Variants in ZNF236 observed in about 807,000 individuals in gnomAD.
The protein encoded by ZNF236 is zinc finger protein 236, also known as regulated by glucose.
ZNF236 carries 50 observed loss-of-function variants against 191.2 expected under a neutral mutation model. The observed-to-expected ratio is 0.26, with a 90% CI of 0.21 to 0.33. The LOEUF (loss-of-function observed/expected upper bound fraction) is 0.33. ZNF236 is among the 10% of genes least tolerant of loss of function. The pLI is 1.00. For synonymous variants in ZNF236, 907 were observed against 928.8 expected (o/e 0.98, Z 0.43); for missense variants, 1,754 against 2,374.5 (o/e 0.74, Z 5.43).
intron 1 of ZNF236, among the ~76,000 whole-genome samples, chr18:76,839,303 A>G (rs1002368823): frequency 2.6e-5 from 4 of 152,240 alleles, no homozygotes; most frequent in Admixed American, 6.5e-5. Context: ...ATGCTGCTAA[A>G]TAGCTTTCAA....
chr18:76,897,431 G>A (rs150647294), intron 10 of ZNF236, among the ~76,000 whole-genome samples: 1 of 150,364 alleles, frequency 6.7e-6, no homozygotes, highest in Non-Finnish European at 1.5e-5. Flanking sequence ...ACTAAACACA[G>A]TACTACACAC....
At chr18:76,870,381 T>G (rs1374337155) in intron 4 of ZNF236, among the ~76,000 whole-genome samples, 1 of 152,248 alleles carries the variant, frequency 6.6e-6, no homozygotes, top group Admixed American at 6.5e-5. Context: ...CATGAGGCTT[T>G]AATGCAGGCA....
intron 7 of ZNF236, among the ~76,000 whole-genome samples, chr18:76,878,809 A>G (rs191225902): frequency 8.9e-4 from 136 of 152,356 alleles, no homozygotes; most frequent in African/African-American, 3.0e-3. Flanking sequence ...GGAAGTTTTA[A>G]TGTATGCTTA....
rs1976885807 is a variant in ZNF236, at chr18:76,881,314, A to G, written c.1219A>G (p.Ile407Val). Residue 407 changes from isoleucine to valine, a missense_variant, in exon 9 of 31, where the codon ATT becomes GTT. Around this residue, in one of 5 missense-constraint regions of ZNF236, gnomAD observed 336 missense variants for 495.1 expected, o/e 0.68. Coordinates refer to ENST00000320610, the MANE Select transcript of ZNF236 (RefSeq NM_001306089.2). ...CTTAGAAAACAGTGGGCTGTCTTCA[A>G]TTCCAGCTGCAGCACATCCTAATGA... is the stretch of plus-strand genomic sequence containing the variant. ...QALENSGLSS[I>V]PAAAHPNDSC... is the part of the protein sequence containing the mutation. 6.2e-7 allele frequency: 1 copy of G among 1,614,166 alleles called. No individual in the cohort carries two copies. Among genetic ancestry groups the G allele is most frequent in the Non-Finnish European group, 8.5e-7 (1 of 1,180,034 alleles).
At chr18:76,943,000 G>T (rs933006748) in intron 26 of ZNF236, among the ~76,000 whole-genome samples, 3 of 150,550 alleles carry the variant, frequency 2.0e-5, no homozygotes, top group Admixed American at 6.6e-5. Context: ...GCGGGCACCT[G>T]TGGTCCCAGC....
In ZNF236 at chr18:76,944,696, C is replaced by T. The variant is rs531478754; in HGVS notation, c.4783-2825C>T. Among the ~76,000 whole-genome samples, 20 of 152,202 alleles carry T rather than the reference C, an allele frequency of 1.3e-4. No homozygotes were observed. In the East Asian group the frequency reaches 2.7e-3, roughly 21 times the overall value. On this transcript the variant is annotated intron_variant, in intron 26 of 30. Transcript: ENST00000320610. ...ACTTGGGAGTCTGAGGCAGGAGAATCGCTTGAACTCAGGAGGTGGAGGTTG... is the reference window on the plus strand; with the variant it reads ...ACTTGGGAGTCTGAGGCAGGAGAATTGCTTGAACTCAGGAGGTGGAGGTTG...
chr18:76,823,102 C>A (rs1487242996), intron 1 of ZNF236, among the ~76,000 whole-genome samples: 2 of 150,922 alleles, frequency 1.3e-5, no homozygotes, highest in East Asian at 3.9e-4. Context: ...TACCGCGCCC[C>A]GGGCTCCTCC....
intron 30 of ZNF236, among the ~76,000 whole-genome samples, chr18:76,966,945 GGT>G (rs1408527682): frequency 6.6e-6 from 1 of 152,222 alleles, no homozygotes; most frequent in Non-Finnish European, 1.5e-5. Context: ...GCATTTTGCG[GGT>G]GTGATTTGAT....
At chr18:76,895,475 ACACCGGTACTGCC>A in intron 10 of ZNF236, 190 bp downstream of exon 10, 2 of 771,274 alleles carry the variant, frequency 2.6e-6, no homozygotes, top group Admixed American at 2.7e-5. Context: ...TGCAGCACCC[ACACCGGTACTGCC>A]CACAGGGACT....
At chr18:76,942,107 A>G (rs946704762) in intron 26 of ZNF236, among the ~76,000 whole-genome samples, 6 of 152,236 alleles carry the variant, frequency 3.9e-5, no homozygotes, top group African/African-American at 9.6e-5. Flanking sequence ...GTGTCTAATG[A>G]TGATTGTTCA....
At chr18:76,841,802 T>G (rs1314290187) in intron 1 of ZNF236, among the ~76,000 whole-genome samples, 1 of 151,930 alleles carries the variant, frequency 6.6e-6, no homozygotes, top group Non-Finnish European at 1.5e-5. Context: ...CAAGCCATTC[T>G]TCTGCCTCAG....
chr18:76,837,764 T>A (rs1380130883), intron 1 of ZNF236, among the ~76,000 whole-genome samples: 6 of 152,210 alleles, frequency 3.9e-5, no homozygotes, highest in African/African-American at 1.4e-4. Flanking sequence ...TTAACCTTTG[T>A]ATATCCACTT....
At position 76,925,742 on chromosome 18, in the gene ZNF236, C is replaced by T. The variant is rs560357684; in HGVS notation, c.4027+188C>T. On this transcript the variant is annotated intron_variant, in intron 22 of 30. Coordinates refer to ENST00000320610, the MANE Select transcript of ZNF236 (RefSeq NM_001306089.2). This position sits in a 1 kb window ranked among gnomAD's most constrained non-coding sequence, Gnocchi z 5.7. The stretch of plus-strand genomic sequence containing the variant: ...TTGCAGACATTGCTCCTTTCCATTT[C>T]GCATTCTGTCTTCCATGCCAGCTGC... Among the ~76,000 whole-genome samples the T allele has an allele frequency of 4.6e-5, 7 of 152,342 alleles. No individual in the cohort carries two copies. Among genetic ancestry groups the T allele is most frequent in the African/African-American group, 1.7e-4 (7 of 41,576 alleles).
chr18:76,964,567 T>C (rs1968731121), intron 30 of ZNF236, among the ~76,000 whole-genome samples: 2 of 152,228 alleles, frequency 1.3e-5, no homozygotes, highest in South Asian at 4.1e-4. Context: ...GGTATATATC[T>C]ATTAAGTCCT....
chr18:76,928,470 A>G (rs143349041), intron 25 of ZNF236, among the ~76,000 whole-genome samples: 3 of 152,358 alleles, frequency 2.0e-5, no homozygotes, highest in Non-Finnish European at 4.4e-5. Context: ...ACATTAGGGC[A>G]TTTTAGATCC....
chr18:76,926,909 C>T, intron 22 of ZNF236, 128 bp from the exon 23 acceptor site: 1 of 1,146,446 alleles, frequency 8.7e-7, no homozygotes, highest in East Asian at 2.5e-5. Flanking sequence ...TCGTATTCCA[C>T]AACAACATTG....
chr18:76,939,986 G>A (rs1264238364), intron 26 of ZNF236, among the ~76,000 whole-genome samples: 35 of 133,402 alleles, frequency 2.6e-4, no homozygotes, highest in African/African-American at 8.1e-4. Context: ...TTGGGAACAC[G>A]GTGGGCTACC....
chr18:76,914,378 A>G (rs1967300468), intron 18 of ZNF236, among the ~76,000 whole-genome samples: 1 of 152,212 alleles, frequency 6.6e-6, no homozygotes, highest in South Asian at 2.1e-4. Flanking sequence ...TAATCCTGCT[A>G]TGCACATTTG....
chr18:76,871,924 T>C, intron 5 of ZNF236, 99 bp downstream of exon 5: 1 of 1,451,802 alleles, frequency 6.9e-7, no homozygotes, highest in Admixed American at 1.9e-5. Context: ...CCCAGCTTTC[T>C]CATAGTTTGC....
Sources: allele counts gnomAD v4.1 joint callset (sites outside exome capture counted in the v4.1 genomes callset), GRCh38; gene constraint gnomAD v4.1.1; regional missense constraint gnomAD v4.1.1; non-coding constraint Gnocchi (gnomAD v3.1); transcripts MANE v1.5; gene names NCBI Gene and HGNC (gene_info 2026-07-23, HGNC 2026-07-21).